Variants in CADM2 observed in about 807,000 individuals in gnomAD.
CADM2 encodes cell adhesion molecule 2, also known as immunoglobulin superfamily member 4D.
A neutral mutation model predicts 49.8 loss-of-function variants in CADM2; 12 were observed. That is an observed-to-expected ratio of 0.24 (90% CI 0.15 to 0.39). The LOEUF is 0.39. Among genes scored for constraint, CADM2 ranks in the 10% least tolerant of loss-of-function variants. The probability of loss-of-function intolerance (pLI) is 1.00; values close to 1 mark genes in which losing one functional copy is unlikely to be tolerated. For missense variants in CADM2, 378 were observed against 492.3 expected, an observed-to-expected ratio of 0.77 and a Z score of 2.20; for synonymous variants, 214 against 175.4, an observed-to-expected ratio of 1.22 and a Z score of -1.74.
chr3:86,062,309 G>A (rs1738755051), intron 8 of CADM2, among the ~76,000 whole-genome samples: 1 of 152,218 alleles, frequency 6.6e-6, no homozygotes, highest in Admixed American at 6.5e-5. Flanking sequence ...AAATATGACA[G>A]GTTTATTTTT....
intron 1 of CADM2, among the ~76,000 whole-genome samples, chr3:85,352,343 G>A (rs1486028131): frequency 6.6e-6 from 1 of 152,048 alleles, no homozygotes; most frequent in African/African-American, 2.4e-5. Flanking sequence ...TCTAACTTTA[G>A]GAGGACTATC....
At chr3:85,087,033 TG>T (rs1330801332) in intron 1 of CADM2, among the ~76,000 whole-genome samples, 1 of 152,136 alleles carries the variant, frequency 6.6e-6, no homozygotes, top group Non-Finnish European at 1.5e-5. Flanking sequence ...AAGAGTTCTG[TG>T]GCTTGTACAC....
intron 1 of CADM2, among the ~76,000 whole-genome samples, chr3:85,452,917 A>G (rs1156634239): frequency 6.6e-6 from 1 of 152,186 alleles, no homozygotes; most frequent in Non-Finnish European, 1.5e-5. Context: ...ATACAAAGGC[A>G]TGCAGACTTA....
intron 1 of CADM2, among the ~76,000 whole-genome samples, chr3:85,705,011 AC>A (rs1453242878): frequency 6.8e-6 from 1 of 147,516 alleles, no homozygotes; most frequent in Non-Finnish European, 1.5e-5. Flanking sequence ...GGTGCCCACC[AC>A]CACGCCTGGC....
At chr3:85,772,495 GAAAC>G (rs2070144241) in intron 2 of CADM2, among the ~76,000 whole-genome samples, 1 of 137,604 alleles carries the variant, frequency 7.3e-6, no homozygotes, top group Admixed American at 6.9e-5. Flanking sequence ...CAAATTCTCA[GAAAC>G]AAACAAAAAT....
chr3:85,753,445 T>A lies in CADM2; in HGVS notation c.88+26897T>A, dbSNP rs529294206. Among the ~76,000 whole-genome samples the A allele has an allele frequency of 2.7e-4, 41 of 152,270 alleles. No homozygotes were observed. In the South Asian group the frequency reaches 8.5e-3, roughly 32 times the overall value. ...AGGCAGACACCAGAACCCTGATATG[T>A]GACATTTGTACATATAAATTTAGTG... On this transcript the variant is annotated intron_variant, in intron 2 of 9. Coordinates refer to ENST00000383699, the MANE Select transcript of CADM2 (RefSeq NM_001167675.2).
intron 1 of CADM2, among the ~76,000 whole-genome samples, chr3:85,381,203 G>A (rs184351160): frequency 8.1e-4 from 123 of 151,984 alleles, no homozygotes; most frequent in South Asian, 5.0e-3. Flanking sequence ...GCTGATTTCC[G>A]TAGTAACACA....
At chr3:86,012,468 C>A (rs572061333) in intron 8 of CADM2, 7 of 738,746 alleles carry the variant, frequency 9.5e-6, no homozygotes, top group East Asian at 3.8e-5. Flanking sequence ...CAGAGCCGGC[C>A]GACCTGGCTC....
chr3:85,794,994 T>C (rs953713443), intron 2 of CADM2, among the ~76,000 whole-genome samples: 2 of 152,066 alleles, frequency 1.3e-5, no homozygotes, highest in Non-Finnish European at 2.9e-5. Flanking sequence ...TTTGCATGTT[T>C]TTGGGGTACA....
At chr3:85,528,940 C>T (rs1338266291) in intron 1 of CADM2, among the ~76,000 whole-genome samples, 1 of 152,122 alleles carries the variant, frequency 6.6e-6, no homozygotes, top group Admixed American at 6.5e-5. Flanking sequence ...AGAAAGAGGA[C>T]TGAACCTGGA....
chr3:85,906,201 G>A lies in CADM2; in HGVS notation c.530-6172G>A, dbSNP rs571022560. Among the ~76,000 whole-genome samples, 197 of 152,160 alleles carry A rather than the reference G, an allele frequency of 1.3e-3. 2 individuals are homozygous for A. Among genetic ancestry groups the A allele is most frequent in the Non-Finnish European group, 1.7e-3 (115 of 67,966 alleles). ...AAAACATCATTTTAAATATATTTGA[G>A]GAGAAAGGACATTCTAATGTAGACA... On this transcript the variant is annotated intron_variant, in intron 5 of 9. Transcript: ENST00000383699.
intron 8 of CADM2, among the ~76,000 whole-genome samples, chr3:86,039,284 G>A (rs1479488207): frequency 6.6e-6 from 1 of 152,118 alleles, no homozygotes; most frequent in Non-Finnish European, 1.5e-5. Context: ...CCTCACCTGG[G>A]AAGTGAAAGG....
intron 1 of CADM2, among the ~76,000 whole-genome samples, chr3:85,520,822 A>G (rs1320590522): frequency 6.6e-6 from 1 of 152,074 alleles, no homozygotes; most frequent in Non-Finnish European, 1.5e-5. Context: ...ACTGAGTTTA[A>G]TTCCAAATTA....
At chr3:85,209,354 G>T (rs1301448235) in intron 1 of CADM2, among the ~76,000 whole-genome samples, 1 of 152,020 alleles carries the variant, frequency 6.6e-6, no homozygotes, top group East Asian at 1.9e-4. Context: ...GTCTTCTGAG[G>T]AGAGTATTTT....
At chr3:85,217,598 A>T (rs1480801072) in intron 1 of CADM2, among the ~76,000 whole-genome samples, 1 of 152,086 alleles carries the variant, frequency 6.6e-6, no homozygotes, top group Non-Finnish European at 1.5e-5. Context: ...CTCTGCATAA[A>T]AATATTATAG....
intron 8 of CADM2, among the ~76,000 whole-genome samples, chr3:86,022,016 T>C (rs1268742756): frequency 2.0e-5 from 3 of 152,146 alleles, no homozygotes; most frequent in Admixed American, 1.3e-4. Context: ...ACTGAAATAA[T>C]GCAAAGTGTT....
chr3:85,504,322 C>A (rs896063470), intron 1 of CADM2, among the ~76,000 whole-genome samples: 1 of 152,064 alleles, frequency 6.6e-6, no homozygotes, highest in African/African-American at 2.4e-5. Context: ...CAGACCTTCG[C>A]GGTGTTACAG....
At chr3:85,680,263 T>G (rs1051177979) in intron 1 of CADM2, among the ~76,000 whole-genome samples, 1 of 152,108 alleles carries the variant, frequency 6.6e-6, no homozygotes, top group African/African-American at 2.4e-5. Flanking sequence ...ATATATATAT[T>G]TGTATCATTT....
At chr3:85,375,775 A>G (rs997024219) in intron 1 of CADM2, among the ~76,000 whole-genome samples, 1 of 152,126 alleles carries the variant, frequency 6.6e-6, no homozygotes, top group African/African-American at 2.4e-5. Context: ...GTTCCCAATT[A>G]TTTCTCCAAA....
Sources: allele counts gnomAD v4.1 joint callset (sites outside exome capture counted in the v4.1 genomes callset), GRCh38; gene constraint gnomAD v4.1.1; transcripts MANE v1.5; gene names NCBI Gene and HGNC (gene_info 2026-07-23, HGNC 2026-07-21).